Variants in ZMIZ1 observed in about 807,000 individuals in gnomAD.
ZMIZ1 encodes zinc finger MIZ-type containing 1.
A neutral mutation model predicts 113.9 loss-of-function variants in ZMIZ1; 17 were observed. The observed-to-expected ratio is 0.15, with a 90% CI of 0.10 to 0.22. The LOEUF (loss-of-function observed/expected upper bound fraction) is 0.22, where lower values mean the gene tolerates loss of function less well. ZMIZ1 is among the 10% of genes least tolerant of loss of function. The probability of loss-of-function intolerance (pLI) is 1.00; values close to 1 mark genes in which losing one functional copy is unlikely to be tolerated. For synonymous variants in ZMIZ1, 607 were observed against 603.1 expected, an observed-to-expected ratio of 1.01 and a Z score of -0.09; for missense variants, 1,059 against 1,477.8, an observed-to-expected ratio of 0.72 and a Z score of 4.65.
Position 79,314,193 on chromosome 10 carries a change from A to G in ZMIZ1, c.*1444A>G, listed in dbSNP as rs1442332686. 1 of 456,978 alleles carries G rather than the reference A, an allele frequency of 2.2e-6. No homozygotes were observed. The highest frequency in any genetic ancestry group is 4.4e-6 in the Non-Finnish European group (1 of 227,020). 28.3% of individuals were successfully genotyped at this position (456,978 alleles called of 1,614,324 possible). A position where few individuals can be genotyped will look rare whatever the true frequency, so the allele number is the denominator to read the frequency against. ...TACCACTCTCCAGGGCCTCCTGGGG[A>G]GCCTGTCCTGTGTTCACTTTGTTTC... On this transcript the variant is annotated 3_prime_UTR_variant, in exon 25 of 25. Transcript: ENST00000334512.
At chr10:79,293,850 G>A in intron 12 of ZMIZ1, 197 bp downstream of exon 12, 2 of 804,742 alleles carry the variant, frequency 2.5e-6, no homozygotes, top group Non-Finnish European at 4.0e-6. Flanking sequence ...CCTCGAGCCA[G>A]TCACCCTGCC....
intron 20 of ZMIZ1, 54 bp downstream of exon 20, chr10:79,305,285 G>A (rs1032934936): frequency 1.1e-5 from 17 of 1,594,506 alleles, no homozygotes; most frequent in Non-Finnish European, 1.5e-5. Context: ...CCACAGACGG[G>A]AGGGGCCAGC....
At chr10:79,205,485 A>T (rs1355161953) in intron 5 of ZMIZ1, among the ~76,000 whole-genome samples, 1 of 152,228 alleles carries the variant, frequency 6.6e-6, no homozygotes, top group African/African-American at 2.4e-5. Flanking sequence ...TCCCCTCAGG[A>T]GGCTCAAAAG....
intron 7 of ZMIZ1, among the ~76,000 whole-genome samples, chr10:79,242,363 G>C (rs1239164505): frequency 6.6e-6 from 1 of 152,062 alleles, no homozygotes; most frequent in African/African-American, 2.4e-5. Flanking sequence ...CGAAGTCGGG[G>C]AGCGGGAGCG....
chr10:79,272,223 T>C (rs540519488), intron 7 of ZMIZ1, among the ~76,000 whole-genome samples: 49 of 152,222 alleles, frequency 3.2e-4, no homozygotes, highest in African/African-American at 1.2e-3. Flanking sequence ...GAGGCAGATG[T>C]TGCAGTGAGC....
At chr10:79,305,727 C>A in intron 21 of ZMIZ1, 126 bp downstream of exon 21, 1 of 965,946 alleles carries the variant, frequency 1.0e-6, no homozygotes, top group Non-Finnish European at 1.6e-6. Context: ...GACCCACATC[C>A]CCCACCTCTC....
intron 8 of ZMIZ1, among the ~76,000 whole-genome samples, chr10:79,280,664 A>G (rs944942429): frequency 7.5e-5 from 11 of 146,454 alleles, no homozygotes; most frequent in African/African-American, 2.8e-4. Flanking sequence ...TTTTTTTTTA[A>G]TGCCCACGCT....
chr10:79,236,859 A>G (rs1263464223), intron 7 of ZMIZ1, among the ~76,000 whole-genome samples: 2 of 152,256 alleles, frequency 1.3e-5, no homozygotes, highest in African/African-American at 4.8e-5. Flanking sequence ...TACTGTCAAT[A>G]TAACACATCC....
chr10:79,169,014 G>T (rs947035382), intron 4 of ZMIZ1, among the ~76,000 whole-genome samples: 3 of 152,200 alleles, frequency 2.0e-5, no homozygotes, highest in African/African-American at 7.2e-5. Context: ...AGCACATCTT[G>T]CCTCACGGCT....
chr10:79,298,215 G>A (rs1022624234), intron 14 of ZMIZ1, among the ~76,000 whole-genome samples, 191 bp from the exon 15 acceptor site: 1 of 152,124 alleles, frequency 6.6e-6, no homozygotes, highest in African/African-American at 2.4e-5. Flanking sequence ...TGAAGGGTGG[G>A]GAGGCCCTTC....
At position 79,214,807 on chromosome 10, in the gene ZMIZ1, C is replaced by T. The variant is rs1848655919; in HGVS notation, c.175-1362C>T. On this transcript the variant is annotated intron_variant, in intron 6 of 24. Transcript: ENST00000334512. ...CTAAATGACTCCATTTTCCAAGGTC[C>T]TTCTTAATAAAGAAAGCTAATTTTG... 2.0e-5 allele frequency among the ~76,000 whole-genome samples: 3 copies of T among 152,314 alleles called. No individual in the cohort carries two copies. The South Asian group carries it at 6.2e-4, about 32-fold the overall frequency.
At chr10:79,070,626 C>T (rs1218028662) in intron 1 of ZMIZ1, among the ~76,000 whole-genome samples, 2 of 152,124 alleles carry the variant, frequency 1.3e-5, no homozygotes, top group Non-Finnish European at 2.9e-5. Context: ...CCTTCTCTGC[C>T]TTCCCTTCCC....
intron 1 of ZMIZ1, among the ~76,000 whole-genome samples, chr10:79,082,030 T>C (rs1842677002): frequency 6.6e-6 from 1 of 152,248 alleles, no homozygotes; most frequent in Non-Finnish European, 1.5e-5. Context: ...TCCCACCATC[T>C]AGCCAGTGCC....
At chr10:79,140,940 G>A (rs997011692) in intron 3 of ZMIZ1, among the ~76,000 whole-genome samples, 1 of 152,000 alleles carries the variant, frequency 6.6e-6, no homozygotes, top group Admixed American at 6.6e-5. Context: ...GCACCGCCAC[G>A]CCCAGCTGAT....
intron 2 of ZMIZ1, among the ~76,000 whole-genome samples, chr10:79,124,226 GTTTA>G (rs1276510779): frequency 2.6e-5 from 4 of 152,230 alleles, no homozygotes; most frequent in Admixed American, 2.6e-4. Context: ...CTGAGCAGCT[GTTTA>G]TTGGTCTGTA....
intron 2 of ZMIZ1, among the ~76,000 whole-genome samples, chr10:79,128,907 C>G (rs775362987): frequency 6.6e-6 from 1 of 152,194 alleles, no homozygotes. Flanking sequence ...ACCTCAATTT[C>G]CTCATCTGAA....
chr10:79,092,057 C>G (rs1485396857), intron 1 of ZMIZ1, among the ~76,000 whole-genome samples: 1 of 152,096 alleles, frequency 6.6e-6, no homozygotes, highest in African/African-American at 2.4e-5. Flanking sequence ...CAGCCCCGCT[C>G]CATGCTGAGT....
chr10:79,174,397 A>T (rs1846734485), intron 4 of ZMIZ1, among the ~76,000 whole-genome samples: 1 of 152,172 alleles, frequency 6.6e-6, no homozygotes, highest in South Asian at 2.1e-4. Flanking sequence ...GATGAGTAGG[A>T]GAAGTGGCAG....
intron 2 of ZMIZ1, among the ~76,000 whole-genome samples, chr10:79,139,213 G>T (rs1027219830): frequency 6.6e-6 from 1 of 152,146 alleles, no homozygotes; most frequent in Non-Finnish European, 1.5e-5. Flanking sequence ...TTCAGGCAGG[G>T]GTCACAGAGT....
Sources: allele counts gnomAD v4.1 joint callset (sites outside exome capture counted in the v4.1 genomes callset), GRCh38; gene constraint gnomAD v4.1.1; transcripts MANE v1.5; gene names NCBI Gene and HGNC (gene_info 2026-07-23, HGNC 2026-07-21).